Variants in LRPPRC observed in about 807,000 individuals in gnomAD.
LRPPRC encodes the protein leucine rich pentatricopeptide repeat containing.
In LRPPRC, 120 loss-of-function variants were observed where a neutral mutation model predicts 180.3. The ratio of observed to expected loss-of-function variants is 0.67; its 90% confidence interval spans 0.57 to 0.77. The LOEUF (loss-of-function observed/expected upper bound fraction) is 0.77. Among genes scored for constraint, LRPPRC ranks in the 30% least tolerant of loss-of-function variants. The pLI is 0.00. For missense variants in LRPPRC, 2,012 were observed against 1,657.2 expected (o/e 1.21, Z -3.72); for synonymous variants, 723 against 600.0 (o/e 1.21, Z -3.00).
intron 27 of LRPPRC, among the ~76,000 whole-genome samples, chr2:43,923,787 T>C (rs1671781833): frequency 6.6e-6 from 1 of 152,062 alleles, no homozygotes; most frequent in Non-Finnish European, 1.5e-5. Context: ...AGACATATAG[T>C]CAGTGCTTCT....
intron 34 of LRPPRC, among the ~76,000 whole-genome samples, chr2:43,898,777 C>G (rs1670783680): frequency 6.6e-6 from 1 of 152,170 alleles, no homozygotes; most frequent in Non-Finnish European, 1.5e-5. Flanking sequence ...AAGTGAGAAG[C>G]TGTACTTGAA....
intron 2 of LRPPRC, 133 bp from the exon 3 acceptor site, chr2:43,980,081 A>C: frequency 1.2e-6 from 1 of 823,182 alleles, no homozygotes; most frequent in Non-Finnish European, 2.0e-6. Flanking sequence ...ATAAATTAGA[A>C]AAATCCTATC....
chr2:43,891,010 T>A (rs1670471543), intron 36 of LRPPRC, among the ~76,000 whole-genome samples: 1 of 152,236 alleles, frequency 6.6e-6, no homozygotes, highest in Admixed American at 6.5e-5. Flanking sequence ...GGGGAACCCC[T>A]AAGACAGAGG....
At chr2:43,979,773 A>G in intron 3 of LRPPRC, 53 bp downstream of exon 3, 11 of 1,571,014 alleles carry the variant, frequency 7.0e-6, no homozygotes, top group Non-Finnish European at 9.6e-6. Context: ...TTTTTTGCAA[A>G]AAGAAAAAAC....
intron 1 of LRPPRC, among the ~76,000 whole-genome samples, chr2:43,985,083 C>G (rs960674403): frequency 6.7e-6 from 1 of 150,220 alleles, no homozygotes; most frequent in Non-Finnish European, 1.5e-5. Flanking sequence ...TATAAGGGAT[C>G]AGATTATCCT....
rs539888993 is a variant in LRPPRC at position 43,995,977 on chromosome 2, G to A, written c.-30C>T. The A allele has an allele frequency of 7.9e-6, 12 of 1,523,044 alleles. No individual in the cohort carries two copies. The Admixed American group carries it at 8.0e-5, about 10-fold the overall frequency. 94.3% of individuals were successfully genotyped at this position (1,523,044 alleles called of 1,614,324 possible). ...CGAACGTCCCCGCAGCGGGAAGCAC[G>A]CTCCGCCAGAAGGACAGGAGGAGCA... On this transcript the variant is annotated 5_prime_UTR_variant, in exon 1 of 38. Transcript: ENST00000260665.
intron 29 of LRPPRC, among the ~76,000 whole-genome samples, chr2:43,913,733 G>A (rs1671344899): frequency 1.3e-5 from 2 of 152,176 alleles, no homozygotes; most frequent in African/African-American, 2.4e-5. Flanking sequence ...AACAGTCCCT[G>A]TTAGTCATTA....
intron 21 of LRPPRC, 104 bp downstream of exon 21, chr2:43,946,008 TA>T: frequency 5.7e-6 from 7 of 1,236,456 alleles, no homozygotes; most frequent in South Asian, 1.3e-5. Flanking sequence ...AAAGAATTTT[TA>T]AAAATGACAT....
rs1671544216 is a variant in LRPPRC at position 43,918,133 on chromosome 2, A to C, written c.3040T>G (p.Leu1014Val). ...NQEVPFDVPE[L>V]WYEDEKHSLN... is the part of the protein sequence containing the mutation. The stretch of plus-strand genomic sequence containing the variant: ...GAATGTTTTTCATCTTCATACCACA[A>C]CTTTAAAACAAAGTTATTCTGTTAA... Residue 1014 changes from leucine to valine, a missense_variant and splice_region_variant, in exon 29 of 38, where the codon TTG (leucine) becomes GTG (valine). Transcript: ENST00000260665. The C allele has an allele frequency of 1.9e-6, 3 of 1,612,226 alleles. No individual in the cohort carries two copies. In the African/African-American group the frequency reaches 4.0e-5, roughly 22 times the overall value.
chr2:43,899,781 G>C (rs1012730421), intron 32 of LRPPRC, 176 bp from the exon 33 acceptor site: 1 of 599,326 alleles, frequency 1.7e-6, no homozygotes, highest in Non-Finnish European at 2.9e-6. Flanking sequence ...TCACATTTAA[G>C]TAGCAAAAAC....
chr2:43,937,606 G>C (rs1672322429), intron 23 of LRPPRC, among the ~76,000 whole-genome samples: 1 of 152,174 alleles, frequency 6.6e-6, no homozygotes, highest in African/African-American at 2.4e-5. Context: ...ACTGATAAGA[G>C]TACTTATGCT....
intron 2 of LRPPRC, among the ~76,000 whole-genome samples, chr2:43,980,835 C>G (rs11124954): frequency 0.61 from 92,143 of 152,006 alleles, 29,138 homozygotes; most frequent in Middle Eastern, 0.67. Context: ...TTGTTGCCTA[C>G]GGCTGGAAGG....
intron 25 of LRPPRC, 84 bp from the exon 26 acceptor site, chr2:43,926,045 TATGAA>T: frequency 1.2e-6 from 1 of 811,232 alleles, no homozygotes; most frequent in Non-Finnish European, 2.2e-6. Context: ...TTTCTTTTCT[TATGAA>T]TTTGCTGCCA....
intron 27 of LRPPRC, among the ~76,000 whole-genome samples, chr2:43,924,379 AAATACT>A (rs1435093795): frequency 6.6e-6 from 1 of 152,226 alleles, no homozygotes; most frequent in Non-Finnish European, 1.5e-5. Context: ...TGTCAAATAC[AAATACT>A]AAGATTTCAG....
chr2:43,973,999 C>T, intron 9 of LRPPRC, 99 bp from the exon 10 acceptor site: 1 of 1,108,374 alleles, frequency 9.0e-7, no homozygotes, highest in Non-Finnish European at 1.4e-6. Flanking sequence ...CATTTTAAAC[C>T]CCGCATCCTC....
intron 17 of LRPPRC, 24 bp from the exon 18 acceptor site, chr2:43,948,223 G>A (rs200835084): frequency 1.4e-5 from 18 of 1,298,216 alleles, no homozygotes; most frequent in African/African-American, 2.9e-5. Context: ...AGGGAGGGGG[G>A]AAAAAACCTG....
intron 34 of LRPPRC, among the ~76,000 whole-genome samples, chr2:43,898,804 C>G (rs545415189): frequency 6.6e-6 from 1 of 152,342 alleles, no homozygotes; most frequent in Non-Finnish European, 1.5e-5. Flanking sequence ...ACATTTCCTA[C>G]TTTTTGTTTG....
intron 35 of LRPPRC, among the ~76,000 whole-genome samples, chr2:43,895,974 C>A (rs897045959): frequency 6.6e-6 from 1 of 151,992 alleles, no homozygotes; most frequent in Non-Finnish European, 1.5e-5. Flanking sequence ...TACCCACCCA[C>A]CCCTTTTACA....
intron 1 of LRPPRC, among the ~76,000 whole-genome samples, chr2:43,987,247 C>T (rs1280200751): frequency 2.6e-5 from 4 of 152,092 alleles, no homozygotes; most frequent in Admixed American, 2.6e-4. Flanking sequence ...GTAATCCCAG[C>T]ACTTAGGGGA....
Sources: gnomAD v4.1 joint callset for allele counts (sites outside exome capture counted in the v4.1 genomes callset) on GRCh38, gnomAD v4.1.1 for gene constraint, MANE v1.5 for transcripts, NCBI Gene and HGNC (gene_info 2026-07-23, HGNC 2026-07-21) for gene names.